Variants in VPS35 observed in about 807,000 individuals in gnomAD.
The protein encoded by VPS35 is VPS35 retromer complex component.
VPS35 carries 21 observed loss-of-function variants against 98.1 expected under a neutral mutation model. The ratio of observed to expected loss-of-function variants is 0.21; its 90% CI spans 0.15 to 0.31. The LOEUF (loss-of-function observed/expected upper bound fraction) is 0.31, where lower values mean the gene tolerates loss of function less well. VPS35 is among the 10% of genes least tolerant of loss of function. The pLI, the probability that VPS35 is intolerant of heterozygous loss-of-function variation, is 1.00. For synonymous variants in VPS35, 268 were observed against 318.2 expected, an observed-to-expected ratio of 0.84 and a Z score of 1.68; for missense variants, 554 against 950.8, an observed-to-expected ratio of 0.58 and a Z score of 5.49.
chr16:46,681,021 TA>T (rs903244319), intron 4 of VPS35, among the ~76,000 whole-genome samples, 168 bp from the exon 5 acceptor site: 1 of 129,360 alleles, frequency 7.7e-6, no homozygotes, highest in African/African-American at 2.9e-5. Flanking sequence ...GACTGACCTC[TA>T]AAAAAACTAT....
At chr16:46,668,708 G>T (rs1183399651) in intron 13 of VPS35, among the ~76,000 whole-genome samples, 13 of 152,274 alleles carry the variant, frequency 8.5e-5, no homozygotes, top group South Asian at 2.1e-4. Flanking sequence ...GCATTTCTAA[G>T]TGCTTTTTAC....
intron 3 of VPS35, 104 bp downstream of exon 3, chr16:46,681,972 CGAA>C: frequency 2.4e-6 from 2 of 828,684 alleles, no homozygotes; most frequent in Admixed American, 4.2e-5. Context: ...ACTCAGATAA[CGAA>C]GAATAAGATA....
chr16:46,689,047 C>CA, intron 1 of VPS35, 84 bp downstream of exon 1: 1 of 1,573,076 alleles, frequency 6.4e-7, no homozygotes, highest in Non-Finnish European at 8.6e-7. Context: ...GCCCCTTCTC[C>CA]ACTCGCTGGA....
In VPS35 at chr16:46,660,212, T is replaced by TTTTTTTTTC. The variant is rs1555522781; in HGVS notation, c.*259_*260insGAAAAAAAA. On this transcript the variant is annotated 3_prime_UTR_variant, in exon 17 of 17. Transcript: ENST00000299138. ...TTGTGTTTTTTTTTTTTTTTTTTTTTACAGATCACAGGAATTTTAAATTGC... is the reference window on the plus strand; with the variant it reads ...TTGTGTTTTTTTTTTTTTTTTTTTTTTTTTTTTTCACAGATCACAGGAATTTTAAATTGC... The TTTTTTTTTC allele has an allele frequency of 4.3e-6, 1 of 233,936 alleles. No homozygotes were observed. Among genetic ancestry groups the TTTTTTTTTC allele is most frequent in the African/African-American group, 2.3e-5 (1 of 43,386 alleles). The allele number at this position is 233,936 out of a possible 1,614,324, so 14.5% of individuals were successfully genotyped here.
Position 46,659,936 on chromosome 16 carries a change from A to C in VPS35, c.*536T>G, listed in dbSNP as rs953537707. 1 of 152,766 alleles carries C rather than the reference A, an allele frequency of 6.5e-6. No individual in the cohort carries two copies. The highest frequency in any genetic ancestry group is 2.4e-5 in the African/African-American group (1 of 41,454). 9.5% of individuals were successfully genotyped at this position (152,766 alleles called of 1,614,324 possible). A position where few individuals can be genotyped will look rare whatever the true frequency, so the allele number is the denominator to read the frequency against. ...CTTTAAAATTCTCAAACATGCATTA[A>C]TATATTCTAGTTTTAGGGAAAATCT... is the stretch of plus-strand genomic sequence containing the variant. On this transcript the variant is annotated 3_prime_UTR_variant, in exon 17 of 17. Transcript: ENST00000299138.
At position 46,656,240 on chromosome 16, in the gene VPS35, C is replaced by T. The variant is rs1965842995; in HGVS notation, c.*4232G>A. ...TAGGTGGAGGAATGGCTGATCTCCT[C>T]TTGTCTTTGCTCTGCACATGGGAAG... On this transcript the variant is annotated 3_prime_UTR_variant, in exon 17 of 17. Coordinates refer to ENST00000299138, the MANE Select transcript of VPS35 (RefSeq NM_018206.6). 1 of 152,178 alleles carries T rather than the reference C, an allele frequency of 6.6e-6. No homozygotes were observed. 9.4% of individuals were successfully genotyped at this position (152,178 alleles called of 1,614,324 possible).
chr16:46,687,385 C>A (rs750783549), intron 1 of VPS35, among the ~76,000 whole-genome samples: 10 of 152,142 alleles, frequency 6.6e-5, no homozygotes, highest in Non-Finnish European at 1.3e-4. Flanking sequence ...ATACATATCC[C>A]CAAGAATCCT....
chr16:46,662,656 T>C (rs1965930465), intron 14 of VPS35, among the ~76,000 whole-genome samples, 174 bp from the exon 15 acceptor site: 1 of 152,184 alleles, frequency 6.6e-6, no homozygotes, highest in Non-Finnish European at 1.5e-5. Flanking sequence ...GTAAAAACGC[T>C]AAAAAGTTGC....
rs1186642885 is a variant in VPS35 at position 46,678,954 on chromosome 16, G to A, written c.709C>T (p.Arg237Cys). Residue 237 changes from arginine to cysteine, a missense_variant, in exon 6 of 17, where the codon CGT becomes TGT. This residue lies in a region of VPS35 where 77 missense variants were observed against 222.3 expected (regional missense o/e 0.35). Coordinates refer to ENST00000299138, the MANE Select transcript of VPS35 (RefSeq NM_018206.6). Reference sequence around the variant, plus strand: ...AAAAATATATAAACCTGTTTGTAACGTTCCACATTTACACCTTCCAACTGA... The same window carrying A: ...AAAAATATATAAACCTGTTTGTAACATTCCACATTTACACCTTCCAACTGA... ...LSQLEGVNVERYKQIVLTGIL... is the reference protein window; with the variant it reads ...LSQLEGVNVECYKQIVLTGIL... 8.1e-6 allele frequency: 13 copies of A among 1,614,006 alleles called. No individual in the cohort carries two copies. Among genetic ancestry groups the A allele is most frequent in the African/African-American group, 5.3e-5 (4 of 75,026 alleles).
chr16:46,660,730 G>C (rs1965899350), intron 16 of VPS35, 79 bp from the exon 17 acceptor site: 2 of 1,209,788 alleles, frequency 1.7e-6, no homozygotes, highest in African/African-American at 3.0e-5. Flanking sequence ...ACTGTTTTGA[G>C]GAGCTTCTGT....
At chr16:46,663,238 C>G in intron 13 of VPS35, 76 bp from the exon 14 acceptor site, 1 of 1,336,540 alleles carries the variant, frequency 7.5e-7, no homozygotes, top group Non-Finnish European at 1.0e-6. Flanking sequence ...TTTAATAGAA[C>G]AAAATACTGT....
intron 7 of VPS35, among the ~76,000 whole-genome samples, 160 bp downstream of exon 7, chr16:46,677,155 C>A (rs1966164253): frequency 6.6e-6 from 1 of 151,960 alleles, no homozygotes; most frequent in African/African-American, 2.4e-5. Flanking sequence ...CTTGAACTCC[C>A]AAACTGCTGA....
At chr16:46,675,294 A>G (rs1966132157) in intron 8 of VPS35, among the ~76,000 whole-genome samples, 1 of 152,202 alleles carries the variant, frequency 6.6e-6, no homozygotes, top group South Asian at 2.1e-4. Context: ...TTAAAAAATA[A>G]AAGTACATAG....
At position 46,661,443 on chromosome 16, in the gene VPS35, T is replaced by G. The variant is rs1965913517; in HGVS notation, c.2211+275A>C. 2 of 332,180 alleles carry G rather than the reference T, an allele frequency of 6.0e-6. No individual in the cohort carries two copies. Among genetic ancestry groups the G allele is most frequent in the Non-Finnish European group, 1.2e-5 (2 of 173,184 alleles). 20.6% of individuals were successfully genotyped at this position (332,180 alleles called of 1,614,324 possible). The stretch of plus-strand genomic sequence containing the variant: ...TGGGGTTTCACAATGTTGGCCAGGC[T>G]GGTTTCAAACTCCTGACCTCAGGTG... On this transcript the variant is annotated intron_variant, in intron 16 of 16. Transcript: ENST00000299138. This position sits in a 1 kb window ranked among gnomAD's most constrained non-coding sequence, Gnocchi z 4.3.
rs963677745 is a variant in VPS35, at chr16:46,676,486, T to C, written c.914+97A>G. 4.0e-5 allele frequency: 31 copies of C among 783,716 alleles called. No individual in the cohort carries two copies. In the Admixed American group the frequency reaches 5.5e-4, roughly 14 times the overall value. 48.5% of individuals were successfully genotyped at this position (783,716 alleles called of 1,614,324 possible). On this transcript the variant is annotated intron_variant, in intron 8 of 16. Coordinates refer to ENST00000299138, the MANE Select transcript of VPS35 (RefSeq NM_018206.6). Reference sequence around the variant, plus strand: ...TATAATTAAATTAAGATCATTGGTATGATAAAGATGTAACAGAAACAAATA... The same window carrying C: ...TATAATTAAATTAAGATCATTGGTACGATAAAGATGTAACAGAAACAAATA...
chr16:46,677,192 C>T (rs1280466004), intron 7 of VPS35, 123 bp downstream of exon 7: 26 of 922,910 alleles, frequency 2.8e-5, no homozygotes, highest in East Asian at 8.0e-5. Context: ...CACCACACCC[C>T]GCAAGGAAAA....
rs1596707618 is a variant in VPS35 at position 46,659,900 on chromosome 16, T to A, written c.*572A>T. On this transcript the variant is annotated 3_prime_UTR_variant, in exon 17 of 17. Coordinates refer to ENST00000299138, the MANE Select transcript of VPS35 (RefSeq NM_018206.6). ...ATATGCAAAATATAGCTTCTGGTTT[T>A]GACCATGGTGCTTTAAAATTCTCAA... The A allele has an allele frequency of 6.6e-6, 1 of 152,656 alleles. No homozygotes were observed. Among genetic ancestry groups the A allele is most frequent in the East Asian group, 1.9e-4 (1 of 5,206 alleles). 9.5% of individuals were successfully genotyped at this position (152,656 alleles called of 1,614,324 possible).
rs1965850008 is a variant in VPS35 at position 46,657,070 on chromosome 16, T to C, written c.*3402A>G. The C allele has an allele frequency of 6.6e-6, 1 of 152,198 alleles. No individual in the cohort carries two copies. Among genetic ancestry groups the C allele is most frequent in the Non-Finnish European group, 1.5e-5 (1 of 68,056 alleles). The allele number at this position is 152,198 out of a possible 1,614,324, so 9.4% of individuals were successfully genotyped here. Reference sequence around the variant, plus strand: ...AAGCATGGACCATTTTGTTGGACAATGCAGGGTGCCCTACTGGAGTAATCA... The same window carrying C: ...AAGCATGGACCATTTTGTTGGACAACGCAGGGTGCCCTACTGGAGTAATCA... On this transcript the variant is annotated 3_prime_UTR_variant, in exon 17 of 17. Coordinates refer to ENST00000299138, the MANE Select transcript of VPS35 (RefSeq NM_018206.6).
intron 11 of VPS35, 49 bp from the exon 12 acceptor site, chr16:46,671,909 T>C (rs749411536): frequency 1.2e-6 from 2 of 1,608,282 alleles, no homozygotes; most frequent in Admixed American, 1.7e-5. Context: ...ACCATTGGCA[T>C]ACAAAGCCAT....
Sources: allele counts gnomAD v4.1 joint callset (sites outside exome capture counted in the v4.1 genomes callset), GRCh38; gene constraint gnomAD v4.1.1; regional missense constraint gnomAD v4.1.1; non-coding constraint Gnocchi (gnomAD v3.1); transcripts MANE v1.5; gene names NCBI Gene and HGNC (gene_info 2026-07-23, HGNC 2026-07-21).